The following MSRA variants were observed in gnomAD, a reference collection of about 807,000 sequenced individuals.
MSRA encodes the protein mitochondrial peptide methionine sulfoxide reductase.
MSRA carries 54 observed loss-of-function variants against 31.3 expected under a neutral mutation model. That is an observed-to-expected ratio of 1.73 (90% CI 1.39 to 2.17). The LOEUF is 2.17. Ranked by LOEUF, MSRA falls within the 30% of genes most tolerant of loss-of-function variation. MSRA has a pLI of 0.00. For synonymous variants in MSRA, 169 were observed against 116.5 expected (o/e 1.45, Z -2.90); for missense variants, 507 against 300.9 (o/e 1.69, Z -5.07).
intron 1 of MSRA, among the ~76,000 whole-genome samples, chr8:10,190,467 G>A (rs1422314424): frequency 6.6e-6 from 1 of 152,218 alleles, no homozygotes; most frequent in African/African-American, 2.4e-5. Context: ...AATCCAGAGG[G>A]TGATGTTGCC....
chr8:10,299,872 C>T (rs555482352), intron 3 of MSRA, among the ~76,000 whole-genome samples: 203 of 152,226 alleles, frequency 1.3e-3, no homozygotes, highest in Non-Finnish European at 2.5e-3. Context: ...TTTAGAAATT[C>T]CATTTATATA....
At chr8:10,252,059 C>G (rs2952210) in intron 3 of MSRA, among the ~76,000 whole-genome samples, 1 of 152,202 alleles carries the variant, frequency 6.6e-6, no homozygotes, top group South Asian at 2.1e-4. Flanking sequence ...CCATTCACAG[C>G]TTTCAGCTGT....
In MSRA at chr8:10,344,124, C is replaced by G. The variant is rs1300985914; in HGVS notation, c.543+24135C>G. Among the ~76,000 whole-genome samples the G allele has an allele frequency of 2.6e-5, 4 of 152,194 alleles. No individual in the cohort carries two copies. The South Asian group carries it at 6.2e-4, about 24-fold the overall frequency. Reference sequence around the variant, plus strand: ...CTCTTGCTAAGGAAGTTGCATGTATCACCCAAAAGATACTGGCTTTGAGGT... The same window carrying G: ...CTCTTGCTAAGGAAGTTGCATGTATGACCCAAAAGATACTGGCTTTGAGGT... On this transcript the variant is annotated intron_variant, in intron 5 of 5. Transcript: ENST00000317173.
intron 1 of MSRA, among the ~76,000 whole-genome samples, chr8:10,161,102 G>T (rs1044684062): frequency 2.0e-5 from 3 of 152,162 alleles, no homozygotes; most frequent in African/African-American, 4.8e-5. Flanking sequence ...CAAGCTTCCA[G>T]ATATCCACTT....
rs140485352 is a variant in MSRA, at chr8:10,124,715, C to G, written c.142+70057C>G. 6.8e-4 allele frequency among the ~76,000 whole-genome samples: 103 copies of G among 152,188 alleles called. 2 individuals are homozygous for G. Among genetic ancestry groups the G allele is most frequent in the African/African-American group, 2.3e-3 (95 of 41,520 alleles). ...TCCACTTATCTTTCCTGAAATTTTG[C>G]AAGAAATCTATTATTCGAGGATGCA... On this transcript the variant is annotated intron_variant, in intron 1 of 5. Coordinates refer to ENST00000317173, the MANE Select transcript of MSRA (RefSeq NM_012331.5).
chr8:10,288,997 T>C (rs1800086789), intron 3 of MSRA, among the ~76,000 whole-genome samples: 1 of 152,098 alleles, frequency 6.6e-6, no homozygotes, highest in Non-Finnish European at 1.5e-5. Flanking sequence ...TTTTTTCCTT[T>C]TTTCTTTTTG....
chr8:10,095,736 A>G (rs1292126906), intron 1 of MSRA: 2 of 1,107,350 alleles, frequency 1.8e-6, no homozygotes, highest in African/African-American at 3.2e-5. Context: ...CAAACTTAGA[A>G]GGCTTTTTAA....
At chr8:10,414,461 G>A (rs1240042899) in intron 5 of MSRA, among the ~76,000 whole-genome samples, 1 of 152,198 alleles carries the variant, frequency 6.6e-6, no homozygotes, top group Non-Finnish European at 1.5e-5. Flanking sequence ...GACTTTCCTA[G>A]CGTTGGCACT....
At chr8:10,099,556 T>C (rs1799399974) in intron 1 of MSRA, among the ~76,000 whole-genome samples, 1 of 152,226 alleles carries the variant, frequency 6.6e-6, no homozygotes, top group South Asian at 2.1e-4. Context: ...ACTTAATAAG[T>C]ATTCATGGAA....
At chr8:10,399,149 A>G (rs1807285254) in intron 5 of MSRA, among the ~76,000 whole-genome samples, 2 of 152,210 alleles carry the variant, frequency 1.3e-5, no homozygotes, top group Admixed American at 6.5e-5. Context: ...TATTTAGCAA[A>G]TATTTATCAG....
chr8:10,059,652 A>G (rs1802595835), intron 1 of MSRA, among the ~76,000 whole-genome samples: 1 of 152,248 alleles, frequency 6.6e-6, no homozygotes, highest in Non-Finnish European at 1.5e-5. Flanking sequence ...AAATTAGATC[A>G]TATCACAGTA....
At chr8:10,172,127 C>G (rs934702950) in intron 1 of MSRA, among the ~76,000 whole-genome samples, 1 of 152,176 alleles carries the variant, frequency 6.6e-6, no homozygotes, top group African/African-American at 2.4e-5. Flanking sequence ...GGTGGCAGAA[C>G]TACAGATGCA....
Position 10,152,040 on chromosome 8 carries a change from C to T in MSRA, c.143-55793C>T, listed in dbSNP as rs139476458. Among the ~76,000 whole-genome samples, 299 of 152,282 alleles carry T rather than the reference C, an allele frequency of 2.0e-3. 2 individuals are homozygous for T. The highest frequency in any genetic ancestry group is 6.8e-3 in the African/African-American group (283 of 41,560). ...GTGCTTCTGAAGTAGTTTCTTATTTCAATGTGTACACACCTCCACTCTGAA... is the reference window on the plus strand; with the variant it reads ...GTGCTTCTGAAGTAGTTTCTTATTTTAATGTGTACACACCTCCACTCTGAA... On this transcript the variant is annotated intron_variant, in intron 1 of 5. Coordinates refer to ENST00000317173, the MANE Select transcript of MSRA (RefSeq NM_012331.5).
At chr8:10,059,980 A>G (rs1336143915) in intron 1 of MSRA, among the ~76,000 whole-genome samples, 1 of 152,264 alleles carries the variant, frequency 6.6e-6, no homozygotes, top group South Asian at 2.1e-4. Context: ...TAAATTCTTA[A>G]GGAAAAATAC....
rs1297549843 is a variant in MSRA, at chr8:10,113,848, A to G, written c.142+59190A>G. Among the ~76,000 whole-genome samples the G allele has an allele frequency of 3.3e-5, 5 of 152,160 alleles. No individual in the cohort carries two copies. The East Asian group carries it at 7.7e-4, about 23-fold the overall frequency. Reference sequence around the variant, plus strand: ...GTAGAGTTCTCCATTTTATAATTATACAATTCAGTGGTTATTAGTATATTC... The same window carrying G: ...GTAGAGTTCTCCATTTTATAATTATGCAATTCAGTGGTTATTAGTATATTC... On this transcript the variant is annotated intron_variant, in intron 1 of 5. Coordinates refer to ENST00000317173, the MANE Select transcript of MSRA (RefSeq NM_012331.5).
At chr8:10,392,199 G>A (rs903693142) in intron 5 of MSRA, among the ~76,000 whole-genome samples, 4 of 152,178 alleles carry the variant, frequency 2.6e-5, no homozygotes, top group African/African-American at 9.7e-5. Context: ...GCATATGAAG[G>A]CATCTGGGCT....
intron 3 of MSRA, among the ~76,000 whole-genome samples, chr8:10,281,987 G>T (rs1799647878): frequency 6.6e-6 from 1 of 152,184 alleles, no homozygotes; most frequent in African/African-American, 2.4e-5. Context: ...TTCGAAGGTG[G>T]AGGGTTATAG....
At chr8:10,239,170 T>A (rs992539096) in intron 2 of MSRA, among the ~76,000 whole-genome samples, 5 of 152,178 alleles carry the variant, frequency 3.3e-5, no homozygotes, top group African/African-American at 7.2e-5. Context: ...TGACATAATT[T>A]TTTTTTTTTT....
intron 3 of MSRA, among the ~76,000 whole-genome samples, chr8:10,270,797 G>A (rs945502095): frequency 7.9e-5 from 12 of 152,176 alleles, no homozygotes; most frequent in Admixed American, 5.2e-4. Flanking sequence ...CAAGATCTTC[G>A]GGCTTTTCTT....
Sources: gnomAD v4.1 joint callset for allele counts (sites outside exome capture counted in the v4.1 genomes callset) on GRCh38, gnomAD v4.1.1 for gene constraint, MANE v1.5 for transcripts, NCBI Gene and HGNC (gene_info 2026-07-23, HGNC 2026-07-21) for gene names.